CCDC180: variants seen among roughly 807,000 people sequenced by gnomAD.
The protein encoded by CCDC180 is coiled-coil domain containing 180, also known as coiled-coil domain-containing protein 180.
CCDC180 carries 154 observed loss-of-function variants against 209.2 expected under a neutral mutation model. The observed-to-expected ratio is 0.74, with a 90% CI of 0.65 to 0.84. The LOEUF (loss-of-function observed/expected upper bound fraction) is 0.84, where lower values mean the gene tolerates loss of function less well. Among genes scored for constraint, CCDC180 ranks in the 40% least tolerant of loss-of-function variants. CCDC180 has a pLI of 0.00. For missense variants in CCDC180, 1,874 were observed against 1,997.3 expected, an observed-to-expected ratio of 0.94 and a Z score of 1.18; for synonymous variants, 778 against 749.1, an observed-to-expected ratio of 1.04 and a Z score of -0.63.
At chr9:97,353,335 G>T (rs1826478773) in intron 22 of CCDC180, among the ~76,000 whole-genome samples, 1 of 152,102 alleles carries the variant, frequency 6.6e-6, no homozygotes, top group Non-Finnish European at 1.5e-5. Context: ...AAAACTGCCT[G>T]CTCCTTGTTC....
chr9:97,347,601 G>A (rs1826300356), intron 20 of CCDC180, 112 bp downstream of exon 20: 1 of 1,047,206 alleles, frequency 9.5e-7, no homozygotes, highest in East Asian at 2.6e-5. Context: ...GCAATGTTTA[G>A]CATGTTCTCA....
At chr9:97,315,375 G>C (rs1833134524) in intron 8 of CCDC180, among the ~76,000 whole-genome samples, 1 of 152,106 alleles carries the variant, frequency 6.6e-6, no homozygotes, top group Non-Finnish European at 1.5e-5. Context: ...GCTATGTCTG[G>C]CTTTTCTGCC....
At chr9:97,322,082 G>A (rs142915548) in intron 11 of CCDC180, among the ~76,000 whole-genome samples, 270 of 152,286 alleles carry the variant, frequency 1.8e-3, no homozygotes, top group African/African-American at 5.6e-3. Context: ...ATGCAGTAGT[G>A]GAAGCAGGGG....
At chr9:97,360,284 C>T (rs976156446) in intron 26 of CCDC180, among the ~76,000 whole-genome samples, 183 bp downstream of exon 26, 33 of 152,078 alleles carry the variant, frequency 2.2e-4, no homozygotes, top group Non-Finnish European at 1.5e-5. Flanking sequence ...ATTCTAATCC[C>T]CAGGGGGCCA....
chr9:97,352,875 C>G (rs572750200), intron 22 of CCDC180, among the ~76,000 whole-genome samples: 4 of 151,478 alleles, frequency 2.6e-5, no homozygotes, highest in Non-Finnish European at 4.4e-5. Context: ...GAACCTTCTG[C>G]AAATCTATTC....
chr9:97,342,905 C>CAT (rs1826129501), intron 18 of CCDC180, among the ~76,000 whole-genome samples: 1 of 152,192 alleles, frequency 6.6e-6, no homozygotes. Flanking sequence ...ATTTCATAAT[C>CAT]ATAGAATTGC....
rs10981780 is a variant in CCDC180, at chr9:97,355,448, G to A, written c.3264+440G>A. Among the ~76,000 whole-genome samples the A allele has an allele frequency of 4.7e-3, 715 of 152,286 alleles. 41 individuals are homozygous for A. In the East Asian group the frequency reaches 0.12, roughly 25 times the overall value. On this transcript the variant is annotated intron_variant, in intron 24 of 36. Transcript: ENST00000529487. ...TGGCATTACAGACATGAGCCACTGC[G>A]CCTGGCCAAAAATAAAATCTTAATA...
At chr9:97,364,826 A>G (rs182126376) in intron 29 of CCDC180, among the ~76,000 whole-genome samples, 7 of 152,334 alleles carry the variant, frequency 4.6e-5, no homozygotes, top group Admixed American at 4.6e-4. Context: ...TTGGTCCTAC[A>G]TGAAGTCCTG....
intron 29 of CCDC180, 64 bp from the exon 30 acceptor site, chr9:97,365,609 G>A: frequency 6.9e-7 from 1 of 1,442,270 alleles, no homozygotes. Flanking sequence ...CTGTTCATGT[G>A]GTTTTGTCCA....
chr9:97,341,352 C>T (rs1050603500), intron 18 of CCDC180, among the ~76,000 whole-genome samples: 17 of 152,270 alleles, frequency 1.1e-4, no homozygotes, highest in Middle Eastern at 3.4e-3. Context: ...AGAGACCCAC[C>T]GACCCTGTGG....
chr9:97,356,749 A>C (rs992698952), intron 24 of CCDC180, among the ~76,000 whole-genome samples: 3 of 152,254 alleles, frequency 2.0e-5, no homozygotes, highest in Non-Finnish European at 4.4e-5. Context: ...GCATTTCAAA[A>C]TATCTAACAC....
rs147095027 is a variant in CCDC180 at position 97,370,682 on chromosome 9, C to T, written c.4392C>T (p.Pro1464=). The T allele has an allele frequency of 7.5e-4, 1,205 of 1,614,004 alleles. 11 individuals are homozygous for T. The African/African-American group carries it at 0.014, about 19-fold the overall frequency. Residue 1464 remains proline (P), a synonymous_variant, in exon 33 of 37, where the codon CCC becomes CCT. Transcript: ENST00000529487. ...AGCTCCATCTAAATCTTGGACACCC[C>T]GTACATTTCCAAGAAATGGAGTCTC... ...AQKLHLNLGH[P]VHFQEMESLH...
intron 26 of CCDC180, among the ~76,000 whole-genome samples, chr9:97,360,380 C>T (rs528209877): frequency 4.6e-5 from 7 of 152,194 alleles, no homozygotes; most frequent in Non-Finnish European, 7.4e-5. Flanking sequence ...ACCCTATCCA[C>T]GGAATCTCAA....
intron 16 of CCDC180, 62 bp from the exon 17 acceptor site, chr9:97,330,087 AAAGGT>A: frequency 1.7e-6 from 2 of 1,198,466 alleles, no homozygotes; most frequent in Non-Finnish European, 2.4e-6. Flanking sequence ...AAAAAAAAAA[AAAGGT>A]GGGGGGCACT....
chr9:97,354,403 A>G (rs779509213), intron 22 of CCDC180, among the ~76,000 whole-genome samples, 166 bp from the exon 23 acceptor site: 10 of 152,180 alleles, frequency 6.6e-5, no homozygotes, highest in Admixed American at 1.3e-4. Flanking sequence ...ATTCTGCACT[A>G]TTTATGAATC....
At position 97,309,475 on chromosome 9, in the gene CCDC180, T is replaced by A. The variant is rs1042484153; in HGVS notation, c.131T>A (p.Leu44Gln). ...CGGGCTGCAGAGCGTTCTGTGACCC[T>A]GAAGAGTGGCAGGATACCCATGATG... ...RKRAAERSVT[L>Q]KSGRIPMMKK... is the part of the protein sequence containing the mutation. The change falls in exon 3 of 37, where the codon CTG (leucine) becomes CAG (glutamine). Residue 44 changes from leucine to glutamine, a missense_variant. Leu to Gln is a moderately radical substitution (Grantham distance 113). Transcript: ENST00000529487. 1.2e-6 allele frequency: 2 copies of A among 1,607,742 alleles called. No homozygotes were observed. The highest frequency in any genetic ancestry group is 1.7e-6 in the Non-Finnish European group (2 of 1,177,190).
intron 19 of CCDC180, 81 bp from the exon 20 acceptor site, chr9:97,347,233 G>A: frequency 7.4e-7 from 1 of 1,350,934 alleles, no homozygotes; most frequent in Non-Finnish European, 9.9e-7. Flanking sequence ...AAAGGGGGAA[G>A]CACTTTGGGT....
rs1032243064 is a variant in CCDC180 at position 97,347,318 on chromosome 9, C to T, written c.2503C>T (p.Arg835Ter). 2.3e-5 allele frequency: 36 copies of T among 1,535,664 alleles called. No homozygotes were observed. The highest frequency in any genetic ancestry group is 3.0e-5 in the Non-Finnish European group (34 of 1,146,854). The change falls in exon 20 of 37, where the codon CGA becomes TGA. Residue 835 changes from arginine to a stop codon, truncating the protein, a stop_gained. Transcript: ENST00000529487. LOFTEE classifies it high-confidence loss of function. Reference protein sequence around the residue: ...RLILEIKKQLRAGFFEHLEKW... With the variant: ...RLILEIKKQL ...CCTGGCTGGTCTCGCCCTCAGACTT[C>T]GAGCTGGCTTCTTCGAGCACCTTGA...
chr9:97,355,063 G>C, intron 24 of CCDC180, 55 bp downstream of exon 24: 2 of 1,181,070 alleles, frequency 1.7e-6, no homozygotes, highest in Non-Finnish European at 2.5e-6. Context: ...CTGCACACCA[G>C]GCACTGTCCC....
Sources: gnomAD v4.1 joint callset for allele counts (sites outside exome capture counted in the v4.1 genomes callset) on GRCh38, gnomAD v4.1.1 for gene constraint, MANE v1.5 for transcripts, NCBI Gene and HGNC (gene_info 2026-07-23, HGNC 2026-07-21) for gene names.